Variants in CPQ observed in about 807,000 individuals in gnomAD.
CPQ encodes the protein carboxypeptidase Q, also known as Ser-Met dipeptidase.
CPQ carries 37 observed loss-of-function variants against 45.7 expected under a neutral mutation model. That is an observed-to-expected ratio of 0.81 (90% CI 0.62 to 1.07). The LOEUF (loss-of-function observed/expected upper bound fraction) is 1.07. Ranked by LOEUF, CPQ falls within the 50% of genes least tolerant of loss-of-function variation. The pLI, the probability that CPQ is intolerant of heterozygous loss-of-function variation, is 0.00. For missense variants in CPQ, 537 were observed against 572.9 expected (o/e 0.94, Z 0.64); for synonymous variants, 186 against 205.8 (o/e 0.90, Z 0.82).
chr8:96,923,274 A>T (rs1812832605), intron 4 of CPQ, among the ~76,000 whole-genome samples: 1 of 152,158 alleles, frequency 6.6e-6, no homozygotes, highest in South Asian at 2.1e-4. Context: ...CAGTGGCTAG[A>T]TAGTTAGACA....
At chr8:96,717,076 T>TAC (rs1809690981) in intron 1 of CPQ, among the ~76,000 whole-genome samples, 3 of 64,122 alleles carry the variant, frequency 4.7e-5, no homozygotes, top group African/African-American at 6.4e-5. Context: ...TATATATATA[T>TAC]ACGTATATAT....
chr8:96,718,484 C>T (rs1395700111), intron 1 of CPQ, among the ~76,000 whole-genome samples: 1 of 151,930 alleles, frequency 6.6e-6, no homozygotes, highest in African/African-American at 2.4e-5. Flanking sequence ...CTTGTGGTCT[C>T]GCTGGCTTCA....
intron 4 of CPQ, among the ~76,000 whole-genome samples, chr8:96,946,807 TTC>T (rs1813195380): frequency 6.6e-6 from 1 of 152,136 alleles, no homozygotes; most frequent in South Asian, 2.1e-4. Flanking sequence ...TTGGCTGTAG[TTC>T]TCTTTCTCAG....
intron 2 of CPQ, among the ~76,000 whole-genome samples, chr8:96,790,417 C>G (rs1810831492): frequency 1.3e-5 from 2 of 152,094 alleles, no homozygotes; most frequent in Admixed American, 1.3e-4. Context: ...TTCTTGATGG[C>G]TACTTAGGGT....
At chr8:97,051,366 C>T (rs1810358553) in intron 6 of CPQ, among the ~76,000 whole-genome samples, 4 of 152,028 alleles carry the variant, frequency 2.6e-5, no homozygotes, top group South Asian at 4.1e-4. Flanking sequence ...TGTGGTTTTC[C>T]AAATGAATTA....
chr8:97,071,089 T>C (rs1810733944), intron 7 of CPQ, among the ~76,000 whole-genome samples: 1 of 152,208 alleles, frequency 6.6e-6, no homozygotes, highest in Non-Finnish European at 1.5e-5. Flanking sequence ...TGCTTCAGAA[T>C]CTGAAATTCA....
At chr8:96,945,411 C>T (rs1813176681) in intron 4 of CPQ, among the ~76,000 whole-genome samples, 1 of 152,144 alleles carries the variant, frequency 6.6e-6, no homozygotes, top group Non-Finnish European at 1.5e-5. Flanking sequence ...TATACACATA[C>T]ACAGATGTGC....
intron 1 of CPQ, among the ~76,000 whole-genome samples, chr8:96,749,861 A>G (rs1033767287): frequency 1.1e-4 from 16 of 152,132 alleles, no homozygotes; most frequent in Middle Eastern, 3.2e-3. Context: ...ACTTCTAAGA[A>G]TTTTTCCTAA....
intron 1 of CPQ, among the ~76,000 whole-genome samples, chr8:96,687,622 C>T (rs886446052): frequency 6.6e-6 from 1 of 151,378 alleles, no homozygotes; most frequent in South Asian, 2.1e-4. Flanking sequence ...TTATCTCTTT[C>T]ATTCTTTCTT....
intron 7 of CPQ, among the ~76,000 whole-genome samples, chr8:97,076,026 GTTTGTTT>G (rs1320545998): frequency 7.2e-5 from 11 of 151,888 alleles, no homozygotes; most frequent in Non-Finnish European, 1.5e-4. Flanking sequence ...TTGTTTGTTT[GTTTGTTT>G]TTTGTTTTTT....
intron 7 of CPQ, among the ~76,000 whole-genome samples, chr8:97,125,232 GA>G (rs1429265750): frequency 1.3e-5 from 2 of 152,096 alleles, no homozygotes; most frequent in Non-Finnish European, 2.9e-5. Context: ...TAAATTAAAT[GA>G]ATTGAATTCA....
At chr8:96,773,553 CTG>C (rs1387843122) in intron 1 of CPQ, among the ~76,000 whole-genome samples, 1 of 152,122 alleles carries the variant, frequency 6.6e-6, no homozygotes, top group African/African-American at 2.4e-5. Context: ...ACTTCACAGA[CTG>C]TTAAACAGCC....
intron 7 of CPQ, among the ~76,000 whole-genome samples, chr8:97,138,824 T>G (rs1279449300): frequency 6.6e-6 from 1 of 151,958 alleles, no homozygotes; most frequent in Non-Finnish European, 1.5e-5. Flanking sequence ...AAGATGAATA[T>G]GTAACCTATA....
At chr8:96,685,853 A>G (rs958779213) in intron 1 of CPQ, among the ~76,000 whole-genome samples, 4 of 152,108 alleles carry the variant, frequency 2.6e-5, no homozygotes, top group Non-Finnish European at 5.9e-5. Flanking sequence ...TTTCTTATCC[A>G]TCAATATCCC....
chr8:96,986,398 C>T (rs1053867716), intron 5 of CPQ, among the ~76,000 whole-genome samples: 2 of 152,138 alleles, frequency 1.3e-5, no homozygotes, highest in African/African-American at 2.4e-5. Flanking sequence ...AATCAGCTCT[C>T]AAAGATTTTC....
rs1812210782 is a variant in CPQ at position 96,880,574 on chromosome 8, T to TAC, written c.849+570_849+571insCA. ...ATATATATATATATATATATATATA[T>TAC]ATACCATGGAATACTACCCAGCCAT... On this transcript the variant is annotated intron_variant, in intron 4 of 7. Transcript: ENST00000220763. Among the ~76,000 whole-genome samples, 24 of 114,924 alleles carry TAC rather than the reference T, an allele frequency of 2.1e-4. 2 individuals are homozygous for TAC. Among genetic ancestry groups the TAC allele is most frequent in the Admixed American group, 2.8e-4 (3 of 10,680 alleles). The allele number at this position is 114,924 out of a possible 152,430, so 75.4% of individuals were successfully genotyped here.
In CPQ at chr8:96,730,535, G is replaced by A. The variant is rs184600143; in HGVS notation, c.-34-54329G>A. ...AAGTACAGGGAGGCAAACAGTGGGA[G>A]GGGCCAGCTCATCTCTTTTCTCCTT... On this transcript the variant is annotated intron_variant, in intron 1 of 7. Transcript: ENST00000220763. Among the ~76,000 whole-genome samples the A allele has an allele frequency of 2.0e-5, 3 of 152,182 alleles. No homozygotes were observed. The East Asian group carries it at 5.8e-4, about 30-fold the overall frequency.
intron 2 of CPQ, among the ~76,000 whole-genome samples, chr8:96,814,044 A>G (rs1348447519): frequency 6.6e-6 from 1 of 152,070 alleles, no homozygotes; most frequent in Non-Finnish European, 1.5e-5. Context: ...ATATATATAT[A>G]TAGTTTCTTT....
chr8:96,989,563 A>G (rs2130402963), intron 5 of CPQ, among the ~76,000 whole-genome samples: 1 of 151,922 alleles, frequency 6.6e-6, no homozygotes, highest in African/African-American at 2.4e-5. Flanking sequence ...ATTTCTTCAA[A>G]CCCCACCAAC....
Sources: gnomAD v4.1 joint callset for allele counts (sites outside exome capture counted in the v4.1 genomes callset) on GRCh38, gnomAD v4.1.1 for gene constraint, MANE v1.5 for transcripts, NCBI Gene and HGNC (gene_info 2026-07-23, HGNC 2026-07-21) for gene names.